Variants in GRM7 observed in about 807,000 individuals in gnomAD.
GRM7 encodes the protein metabotropic glutamate receptor 7.
A neutral mutation model predicts 84.5 loss-of-function variants in GRM7; 35 were observed. The ratio of observed to expected loss-of-function variants is 0.41; its 90% CI spans 0.32 to 0.55. The LOEUF (loss-of-function observed/expected upper bound fraction) is 0.55. Ranked by LOEUF, GRM7 falls within the 20% of genes least tolerant of loss-of-function variation. The probability of loss-of-function intolerance (pLI) is 0.19; values close to 1 mark genes in which losing one functional copy is unlikely to be tolerated. For synonymous variants in GRM7, 487 were observed against 455.1 expected (o/e 1.07, Z -0.89); for missense variants, 1,003 against 1,194.6 (o/e 0.84, Z 2.36).
In GRM7 at chr3:7,559,587, T is replaced by C. The variant is rs111591834; in HGVS notation, c.1516-18835T>C. Among the ~76,000 whole-genome samples, 559 of 152,204 alleles carry C rather than the reference T, an allele frequency of 3.7e-3. 6 individuals are homozygous for C. The highest frequency in any genetic ancestry group is 0.013 in the African/African-American group (540 of 41,554). ...AAAGTCTCCCAACATGTTTCTAATA[T>C]ATATCCTGGCCAAAAGAGCATTGCT... On this transcript the variant is annotated intron_variant, in intron 7 of 9. Coordinates refer to ENST00000357716, the MANE Select transcript of GRM7 (RefSeq NM_000844.4).
rs1242552552 is a variant in GRM7, at chr3:7,486,088, A to G, written c.1515+24366A>G. Among the ~76,000 whole-genome samples, 1 of 152,208 alleles carries G rather than the reference A, an allele frequency of 6.6e-6. No homozygotes were observed. The highest frequency in any genetic ancestry group is 1.5e-5 in the Non-Finnish European group (1 of 68,042). The stretch of plus-strand genomic sequence containing the variant: ...AAACTTTAAAGTTCTTCAAAGAGTC[A>G]AAGGATGAGATAAAATATGGATTTT... On this transcript the variant is annotated intron_variant, in intron 7 of 9. Coordinates refer to ENST00000357716, the MANE Select transcript of GRM7 (RefSeq NM_000844.4). The surrounding 1 kb of genome is among the most constrained non-coding windows in gnomAD (Gnocchi z 5.5).
At chr3:7,120,533 G>A (rs1047878215) in intron 1 of GRM7, among the ~76,000 whole-genome samples, 4 of 152,148 alleles carry the variant, frequency 2.6e-5, no homozygotes, top group Admixed American at 6.6e-5. Context: ...TGAACACAGT[G>A]AGATCCATGT....
chr3:7,608,410 T>C (rs1171180757), intron 8 of GRM7, among the ~76,000 whole-genome samples: 1 of 152,188 alleles, frequency 6.6e-6, no homozygotes, highest in African/African-American at 2.4e-5. Context: ...TTTTTAATAA[T>C]AGCCATTCTG....
chr3:7,565,367 G>A (rs1370685094), intron 7 of GRM7, among the ~76,000 whole-genome samples: 2 of 152,144 alleles, frequency 1.3e-5, no homozygotes, highest in Non-Finnish European at 2.9e-5. Context: ...TATTAGTTGG[G>A]AAAATAAATA....
intron 1 of GRM7, among the ~76,000 whole-genome samples, chr3:7,126,282 C>T (rs1438625205): frequency 6.6e-6 from 1 of 152,158 alleles, no homozygotes; most frequent in East Asian, 1.9e-4. Flanking sequence ...AATTACTTTT[C>T]TGAAAATGCC....
chr3:7,418,518 T>C (rs1696264735), intron 5 of GRM7, among the ~76,000 whole-genome samples: 1 of 152,172 alleles, frequency 6.6e-6, no homozygotes, highest in Non-Finnish European at 1.5e-5. Flanking sequence ...CCACATACCA[T>C]TTTCATTTGC....
chr3:7,089,640 A>C (rs1272436930), intron 1 of GRM7, among the ~76,000 whole-genome samples: 4 of 152,168 alleles, frequency 2.6e-5, no homozygotes, highest in African/African-American at 7.2e-5. Context: ...AAAAACAGTA[A>C]CATGTGAATT....
At chr3:7,376,613 C>A (rs537245841) in intron 4 of GRM7, among the ~76,000 whole-genome samples, 1 of 152,192 alleles carries the variant, frequency 6.6e-6, no homozygotes. Flanking sequence ...GCATGTGACC[C>A]GCTGCCCTGA....
chr3:6,870,141 G>A (rs1378820413), intron 1 of GRM7, among the ~76,000 whole-genome samples: 1 of 151,930 alleles, frequency 6.6e-6, no homozygotes, highest in African/African-American at 2.4e-5. Flanking sequence ...ACATCCTATG[G>A]ATGTTACAAG....
At chr3:7,346,167 T>C (rs1236977148) in intron 4 of GRM7, among the ~76,000 whole-genome samples, 2 of 152,148 alleles carry the variant, frequency 1.3e-5, no homozygotes, top group African/African-American at 4.8e-5. Flanking sequence ...ATGGTTTCAT[T>C]ATTCATGGGC....
In GRM7 at chr3:7,489,763, G is replaced by A. The variant is rs541536357; in HGVS notation, c.1515+28041G>A. Among the ~76,000 whole-genome samples, 13 of 151,936 alleles carry A rather than the reference G, an allele frequency of 8.6e-5. No individual in the cohort carries two copies. The South Asian group carries it at 1.9e-3, about 22-fold the overall frequency. Reference sequence around the variant, plus strand: ...GCTCTTCATATATTCATATAATGAGGTCACAGCTTTCTTAAATTTAAGCTT... The same window carrying A: ...GCTCTTCATATATTCATATAATGAGATCACAGCTTTCTTAAATTTAAGCTT... On this transcript the variant is annotated intron_variant, in intron 7 of 9. Transcript: ENST00000357716.
chr3:7,141,985 G>A (rs780602601), intron 1 of GRM7, among the ~76,000 whole-genome samples: 14 of 151,910 alleles, frequency 9.2e-5, no homozygotes, highest in Non-Finnish European at 1.6e-4. Flanking sequence ...CTTTGAGGTA[G>A]AGCGACTTAA....
intron 2 of GRM7, among the ~76,000 whole-genome samples, chr3:7,176,229 T>TAAAAAAAAAAAAAA (rs55732650): frequency 2.1e-4 from 13 of 63,142 alleles, no homozygotes; most frequent in African/African-American, 7.0e-4. Flanking sequence ...CTATAAAAAG[T>TAAAAAAAAAAAAAA]AAAAAAAAAA....
chr3:7,454,661 T>A (rs775089758), intron 6 of GRM7, among the ~76,000 whole-genome samples: 10 of 152,066 alleles, frequency 6.6e-5, no homozygotes, highest in Non-Finnish European at 1.3e-4. Flanking sequence ...AAAATAATTA[T>A]ATATATTGCG....
In GRM7 at chr3:7,280,288, G is replaced by A. The variant is rs1472951853; in HGVS notation, c.737-18396G>A. On this transcript the variant is annotated intron_variant, in intron 2 of 9. Transcript: ENST00000357716. ...CTTGGTCTCTGAAAACAGTACACCT[G>A]AGTTAAAATATTACTTCTTGTCATA... Among the ~76,000 whole-genome samples, 4 of 152,324 alleles carry A rather than the reference G, an allele frequency of 2.6e-5. No homozygotes were observed. The East Asian group carries it at 7.7e-4, about 29-fold the overall frequency.
At chr3:7,541,558 G>A (rs1285567041) in intron 7 of GRM7, among the ~76,000 whole-genome samples, 2 of 152,182 alleles carry the variant, frequency 1.3e-5, no homozygotes, top group African/African-American at 4.8e-5. Context: ...GTGACTGTGA[G>A]TGGGTTAGTG....
At position 7,316,652 on chromosome 3, in the gene GRM7, T is replaced by G. The variant is rs563121883; in HGVS notation, c.1033+10000T>G. ...TCAGCTGAGATGGAGAATACTATCA[T>G]TAGAGCAGGTTTTAAGGGAACAAAC... On this transcript the variant is annotated intron_variant, in intron 4 of 9. Transcript: ENST00000357716. Among the ~76,000 whole-genome samples the G allele has an allele frequency of 3.3e-3, 495 of 152,250 alleles. 4 individuals are homozygous for G. Among genetic ancestry groups the G allele is most frequent in the South Asian group, 0.02 (96 of 4,830 alleles).
At chr3:7,527,709 C>A (rs951333475) in intron 7 of GRM7, among the ~76,000 whole-genome samples, 11 of 151,862 alleles carry the variant, frequency 7.2e-5, no homozygotes, top group African/African-American at 2.7e-4. Context: ...TCCTTTGATG[C>A]CTAGTTTTTT....
intron 2 of GRM7, among the ~76,000 whole-genome samples, chr3:7,203,656 T>A (rs1305187926): frequency 6.6e-6 from 1 of 152,206 alleles, no homozygotes; most frequent in Non-Finnish European, 1.5e-5. Flanking sequence ...TTATAGTTTT[T>A]TGAGAAATCT....
Sources: gnomAD v4.1 joint callset for allele counts (sites outside exome capture counted in the v4.1 genomes callset) on GRCh38, gnomAD v4.1.1 for gene constraint, Gnocchi (gnomAD v3.1) non-coding constraint, MANE v1.5 for transcripts, NCBI Gene and HGNC (gene_info 2026-07-23, HGNC 2026-07-21) for gene names.